DMRT1: variants seen among roughly 807,000 people sequenced by gnomAD.
DMRT1 encodes doublesex and mab-3 related transcription factor 1, also known as doublesex- and mab-3-related transcription factor 1.
DMRT1 carries 7 observed loss-of-function variants against 32.3 expected under a neutral mutation model. That is an observed-to-expected ratio of 0.22 (90% CI 0.12 to 0.41). The LOEUF (loss-of-function observed/expected upper bound fraction) is 0.41, where lower values mean the gene tolerates loss of function less well. Ranked by LOEUF, DMRT1 falls within the 10% of genes least tolerant of loss-of-function variation. The pLI is 1.00. For missense variants in DMRT1, 625 were observed against 500.5 expected (o/e 1.25, Z -2.37); for synonymous variants, 278 against 206.1 (o/e 1.35, Z -2.99).
intron 4 of DMRT1, among the ~76,000 whole-genome samples, chr9:964,196 G>GT (rs577644286): frequency 1.7e-4 from 25 of 150,566 alleles, no homozygotes; most frequent in African/African-American, 5.1e-4. Flanking sequence ...AGAGTTTTGT[G>GT]GTTTTTTTTT....
intron 3 of DMRT1, among the ~76,000 whole-genome samples, chr9:900,539 AG>A (rs1244305560): frequency 1.3e-5 from 2 of 152,092 alleles, no homozygotes; most frequent in East Asian, 3.9e-4. Flanking sequence ...AGGCGCAGTG[AG>A]GGTGGAGCCA....
chr9:902,485 C>T (rs1377505096), intron 3 of DMRT1, among the ~76,000 whole-genome samples: 2 of 148,954 alleles, frequency 1.3e-5, no homozygotes, highest in African/African-American at 2.6e-5. Flanking sequence ...CTTCCCCTCC[C>T]ACCACATTTT....
Position 915,923 on chromosome 9 carries a change from T to C in DMRT1, c.823-840T>C, listed in dbSNP as rs572572271. On this transcript the variant is annotated intron_variant, in intron 3 of 4. Transcript: ENST00000382276. ...AATTTTCTTGTATTTTTAGGAGAGA[T>C]GGGGTTTCATTGTGTTAGCCAGGAT... 4.2e-4 allele frequency among the ~76,000 whole-genome samples: 64 copies of C among 152,108 alleles called. 1 individual carries two copies. The South Asian group carries it at 9.1e-3, about 22-fold the overall frequency.
intron 3 of DMRT1, among the ~76,000 whole-genome samples, chr9:914,943 G>C (rs986124170): frequency 6.6e-6 from 1 of 152,186 alleles, no homozygotes; most frequent in African/African-American, 2.4e-5. Flanking sequence ...CCAGAATGTA[G>C]ATGTTCATAG....
chr9:920,756 G>A (rs1818326899), intron 4 of DMRT1, among the ~76,000 whole-genome samples: 1 of 152,196 alleles, frequency 6.6e-6, no homozygotes, highest in South Asian at 2.1e-4. Context: ...TGTGGATACA[G>A]GGAGTGTGTG....
intron 4 of DMRT1, among the ~76,000 whole-genome samples, chr9:962,476 A>G (rs970090213): frequency 7.7e-6 from 1 of 129,522 alleles, no homozygotes; most frequent in Admixed American, 9.2e-5. Context: ...GCTTGTGGTG[A>G]CCTCCTCCAT....
chr9:955,294 G>A (rs1337760222), intron 4 of DMRT1, among the ~76,000 whole-genome samples: 1 of 152,174 alleles, frequency 6.6e-6, no homozygotes, highest in Non-Finnish European at 1.5e-5. Flanking sequence ...AGTTTTCTGG[G>A]AGTTCGACAG....
chr9:904,524 A>C (rs1414929100), intron 3 of DMRT1, among the ~76,000 whole-genome samples: 1 of 152,224 alleles, frequency 6.6e-6, no homozygotes, highest in Non-Finnish European at 1.5e-5. Context: ...TGTATTACAG[A>C]GTATGCGTTA....
At chr9:922,532 G>A (rs1479480410) in intron 4 of DMRT1, among the ~76,000 whole-genome samples, 4 of 152,170 alleles carry the variant, frequency 2.6e-5, no homozygotes, top group African/African-American at 2.4e-5. Context: ...AATAGACATC[G>A]TTCTCTGCAT....
At chr9:946,472 C>T (rs188158616) in intron 4 of DMRT1, among the ~76,000 whole-genome samples, 15 of 152,260 alleles carry the variant, frequency 9.9e-5, no homozygotes, top group African/African-American at 3.6e-4. Flanking sequence ...ATTTCATCCA[C>T]CGTGGCTCTC....
chr9:895,406 T>C (rs1413970078), intron 3 of DMRT1, among the ~76,000 whole-genome samples: 1 of 152,222 alleles, frequency 6.6e-6, no homozygotes, highest in Admixed American at 6.5e-5. Context: ...CTGCAAGAAC[T>C]GTTCTCATTC....
chr9:945,791 C>G (rs563794452), intron 4 of DMRT1, among the ~76,000 whole-genome samples: 1 of 147,470 alleles, frequency 6.8e-6, no homozygotes, highest in African/African-American at 2.5e-5. Context: ...AGTGTTATGG[C>G]CTACTTTTCC....
intron 4 of DMRT1, among the ~76,000 whole-genome samples, chr9:943,702 T>A (rs759049051): frequency 6.6e-6 from 1 of 151,952 alleles, no homozygotes; most frequent in Non-Finnish European, 1.5e-5. Flanking sequence ...CAGGGAGGAG[T>A]GTTGGAAATA....
At chr9:915,968 T>C (rs1026545655) in intron 3 of DMRT1, among the ~76,000 whole-genome samples, 1 of 152,094 alleles carries the variant, frequency 6.6e-6, no homozygotes. Flanking sequence ...TTCCTGACCT[T>C]GTGATCTGCC....
chr9:910,439 C>T (rs1358716882), intron 3 of DMRT1, among the ~76,000 whole-genome samples: 2 of 151,830 alleles, frequency 1.3e-5, no homozygotes, highest in African/African-American at 4.8e-5. Flanking sequence ...AGTCATTCAC[C>T]TGGATAGACT....
intron 2 of DMRT1, among the ~76,000 whole-genome samples, chr9:892,803 T>A (rs1357910877): frequency 6.6e-6 from 1 of 152,170 alleles, no homozygotes; most frequent in Non-Finnish European, 1.5e-5. Context: ...TCTTTCATAC[T>A]ACATGTCTCC....
In DMRT1 at chr9:965,941, C is replaced by T. The variant is rs1307468911; in HGVS notation, c.968-2044C>T. On this transcript the variant is annotated intron_variant, in intron 4 of 4. Transcript: ENST00000382276. The surrounding 1 kb of genome is among the most constrained non-coding windows in gnomAD (Gnocchi z 4.5). ...ATACCTCACTAAAGTATGTGTGTGG[C>T]ATACAGGTAGTAGTCAGTAATGTTT... 6.6e-6 allele frequency among the ~76,000 whole-genome samples: 1 copy of T among 152,258 alleles called. No individual in the cohort carries two copies. The highest frequency in any genetic ancestry group is 2.4e-5 in the African/African-American group (1 of 41,550).
chr9:884,994 A>C (rs569223432), intron 2 of DMRT1, among the ~76,000 whole-genome samples: 80 of 152,302 alleles, frequency 5.3e-4, no homozygotes, highest in Middle Eastern at 6.8e-3. Context: ...AAAAACATCT[A>C]ACTTCATATT....
chr9:953,145 G>A (rs1320866220), intron 4 of DMRT1, among the ~76,000 whole-genome samples: 1 of 152,144 alleles, frequency 6.6e-6, no homozygotes, highest in East Asian at 1.9e-4. Flanking sequence ...TATATACGTG[G>A]AGTCAAGCTT....
Sources: gnomAD v4.1 joint callset for allele counts (sites outside exome capture counted in the v4.1 genomes callset) on GRCh38, gnomAD v4.1.1 for gene constraint, Gnocchi (gnomAD v3.1) non-coding constraint, MANE v1.5 for transcripts, NCBI Gene and HGNC (gene_info 2026-07-23, HGNC 2026-07-21) for gene names.